The following MEGF6 variants were observed in gnomAD, a reference collection of about 807,000 sequenced individuals.
MEGF6 encodes multiple epidermal growth factor-like domains protein 6.
Under a neutral mutation model 207.1 loss-of-function variants are expected in MEGF6, and 184 were observed. The ratio of observed to expected loss-of-function variants is 0.89; its 90% CI spans 0.79 to 1.00. The LOEUF is 1.00. Ranked by LOEUF, MEGF6 falls within the 50% of genes least tolerant of loss-of-function variation. The pLI, the probability that MEGF6 is intolerant of heterozygous loss-of-function variation, is 0.00. For synonymous variants in MEGF6, 1,038 were observed against 910.0 expected, an observed-to-expected ratio of 1.14 and a Z score of -2.53; for missense variants, 2,282 against 2,202.9, an observed-to-expected ratio of 1.04 and a Z score of -0.72.
rs1644325639 is a variant in MEGF6 at position 3,611,454 on chromosome 1, G to A, written c.-186C>T. On this transcript the variant is annotated 5_prime_UTR_variant, in exon 1 of 37. Transcript: ENST00000356575. ...CCCGCGCCCAAAGTGGCACCGCGGA[G>A]ACCTGATCGCCGGGTCCACCCTGCA... is the stretch of plus-strand genomic sequence containing the variant. 1 of 762,312 alleles carries A rather than the reference G, an allele frequency of 1.3e-6. No homozygotes were observed. The highest frequency in any genetic ancestry group is 1.9e-6 in the Non-Finnish European group (1 of 535,816). The allele number at this position is 762,312 out of a possible 1,614,324, so 47.2% of individuals were successfully genotyped here.
upstream of MEGF6, among the ~76,000 whole-genome samples, chr1:3,612,897 C>T (rs1399475390): frequency 6.6e-6 from 1 of 152,206 alleles, no homozygotes; most frequent in African/African-American, 2.4e-5. Flanking sequence ...GCTGTCACCC[C>T]AGCTTTACAG....
chr1:3,568,887 A>T (rs1309062528), intron 4 of MEGF6, among the ~76,000 whole-genome samples: 1 of 152,128 alleles, frequency 6.6e-6, no homozygotes, highest in Non-Finnish European at 1.5e-5. Flanking sequence ...GCAGGTCTGC[A>T]CCCCAGCTCC....
At chr1:3,511,484 C>A in intron 9 of MEGF6, 66 bp downstream of exon 9, 1 of 1,536,280 alleles carries the variant, frequency 6.5e-7, no homozygotes. Flanking sequence ...GGAACTGATC[C>A]CAGACCCAGG....
intron 4 of MEGF6, among the ~76,000 whole-genome samples, chr1:3,575,631 C>CTT (rs61057554): frequency 1.3e-5 from 2 of 150,028 alleles, no homozygotes; most frequent in African/African-American, 2.5e-5. Context: ...GAGCAAGTCA[C>CTT]ATCTTACATG....
At chr1:3,521,113 AC>A (rs1641731280) in intron 5 of MEGF6, among the ~76,000 whole-genome samples, 1 of 151,782 alleles carries the variant, frequency 6.6e-6, no homozygotes, top group South Asian at 2.1e-4. Context: ...GGGTCACGAC[AC>A]CCTCCCGGCC....
chr1:3,495,748 G>T (rs1640571288), intron 30 of MEGF6, 142 bp downstream of exon 30: 7 of 1,072,560 alleles, frequency 6.5e-6, no homozygotes, highest in Admixed American at 2.5e-5. Context: ...TCTCATCTCA[G>T]CCCCAGGGTC....
At chr1:3,514,966 G>A (rs758039311) in intron 6 of MEGF6, among the ~76,000 whole-genome samples, 1 of 152,320 alleles carries the variant, frequency 6.6e-6, no homozygotes, top group African/African-American at 2.4e-5. Context: ...CCAAGGCGGC[G>A]GCCCCCCAGC....
chr1:3,502,343 C>T (rs1480509396), intron 17 of MEGF6, among the ~76,000 whole-genome samples: 1 of 152,164 alleles, frequency 6.6e-6, no homozygotes, highest in Non-Finnish European at 1.5e-5. Context: ...TCCTCCGCCA[C>T]CGTAGTCACC....
rs185835182 is a variant in MEGF6, at chr1:3,576,318, C to T, written c.481+3507G>A. ...GCAGACCCGAGACTTGCCATCTGGG[C>T]CAAGGAGGGAGAGCTGGGGCTGTGG... On this transcript the variant is annotated intron_variant, in intron 4 of 36. Coordinates refer to ENST00000356575, the MANE Select transcript of MEGF6 (RefSeq NM_001409.4). 8.6e-3 allele frequency among the ~76,000 whole-genome samples: 1,316 copies of T among 152,348 alleles called. 14 individuals are homozygous for T. The highest frequency in any genetic ancestry group is 0.029 in the African/African-American group (1,226 of 41,576).
intron 4 of MEGF6, among the ~76,000 whole-genome samples, chr1:3,571,556 G>T (rs1004981611): frequency 1.4e-4 from 22 of 152,242 alleles, no homozygotes; most frequent in African/African-American, 5.3e-4. Flanking sequence ...CCTCCCCAAG[G>T]GTGCTGGGTC....
intron 1 of MEGF6, among the ~76,000 whole-genome samples, chr1:3,608,165 A>G (rs1220833639): frequency 6.6e-6 from 1 of 152,090 alleles, no homozygotes; most frequent in Admixed American, 6.5e-5. Context: ...CCAGGGCCCC[A>G]TGCAGCCAGC....
chr1:3,498,474 A>T lies in MEGF6; in HGVS notation c.3249T>A (p.Ala1083=). The part of the protein sequence containing the change: ...EKECLPRDVR[A]GCRHSGGCLN... ...GGCAACCGCCGCTGTGCCGGCAGCCAGCTCTGACGTCCCGGGGGAGGCACT... is the reference window on the plus strand; with the variant it reads ...GGCAACCGCCGCTGTGCCGGCAGCCTGCTCTGACGTCCCGGGGGAGGCACT... Residue 1083 remains alanine, a synonymous_variant, in exon 26 of 37, where the codon GCT becomes GCA. Transcript: ENST00000356575. 2 of 1,582,542 alleles carry T rather than the reference A, an allele frequency of 1.3e-6. No individual in the cohort carries two copies. Among genetic ancestry groups the T allele is most frequent in the Non-Finnish European group, 1.7e-6 (2 of 1,166,444 alleles).
intron 3 of MEGF6, among the ~76,000 whole-genome samples, chr1:3,581,986 C>T (rs1015087314): frequency 5.3e-5 from 8 of 151,006 alleles, no homozygotes; most frequent in African/African-American, 1.9e-4. Flanking sequence ...GGAAAAGGGG[C>T]GTGCTTCTGA....
intron 4 of MEGF6, among the ~76,000 whole-genome samples, chr1:3,576,344 G>A (rs1461372473): frequency 6.6e-6 from 1 of 152,238 alleles, no homozygotes; most frequent in African/African-American, 2.4e-5. Flanking sequence ...GGGGCTGTGG[G>A]CAGCAGGGAG....
At chr1:3,507,991 G>A in intron 13 of MEGF6, 68 bp from the exon 14 acceptor site, 1 of 1,553,770 alleles carries the variant, frequency 6.4e-7, no homozygotes, top group Non-Finnish European at 8.7e-7. Context: ...CCTTCCTAGG[G>A]TTGGAGGCTT....
chr1:3,505,084 G>C, intron 17 of MEGF6, 124 bp downstream of exon 17: 1 of 1,368,370 alleles, frequency 7.3e-7, no homozygotes. Context: ...GGCACCACCT[G>C]GGCTTAGGCA....
chr1:3,578,179 A>T (rs1643694615), intron 4 of MEGF6, among the ~76,000 whole-genome samples: 1 of 152,188 alleles, frequency 6.6e-6, no homozygotes, highest in African/African-American at 2.4e-5. Context: ...AACAGAGACC[A>T]CAGGAGGCTC....
At chr1:3,557,046 C>T (rs1643055271) in intron 4 of MEGF6, among the ~76,000 whole-genome samples, 1 of 152,128 alleles carries the variant, frequency 6.6e-6, no homozygotes, top group Admixed American at 6.5e-5. Flanking sequence ...GCAAGGACAT[C>T]GCAGCAGCCA....
chr1:3,511,928 C>T, intron 8 of MEGF6, 78 bp downstream of exon 8: 1 of 1,596,570 alleles, frequency 6.3e-7, no homozygotes, highest in Non-Finnish European at 8.5e-7. Context: ...TGCCCTTCAG[C>T]CAAAGCAGGC....
Sources: allele counts gnomAD v4.1 joint callset (sites outside exome capture counted in the v4.1 genomes callset), GRCh38; gene constraint gnomAD v4.1.1; transcripts MANE v1.5; gene names NCBI Gene and HGNC (gene_info 2026-07-23, HGNC 2026-07-21).